The following FBXO40 variants were observed in gnomAD, a reference collection of about 807,000 sequenced individuals.
The protein encoded by FBXO40 is F-box protein 40.
In FBXO40, 50 loss-of-function variants were observed where a neutral mutation model predicts 49.9. That is an observed-to-expected ratio of 1.00 (90% CI 0.80 to 1.27). FBXO40 has a LOEUF of 1.27. FBXO40 is among the 50% of genes most tolerant of loss of function. The pLI, the probability that FBXO40 is intolerant of heterozygous loss-of-function variation, is 0.00. For missense variants in FBXO40, 895 were observed against 870.1 expected (o/e 1.03, Z -0.36); for synonymous variants, 340 against 320.2 (o/e 1.06, Z -0.66).
intron 1 of FBXO40, among the ~76,000 whole-genome samples, chr3:121,601,992 G>A (rs772978714): frequency 1.2e-4 from 19 of 152,296 alleles, no homozygotes; most frequent in South Asian, 2.1e-4. Context: ...GTCCCACTGC[G>A]CAGCTAAAAT....
In FBXO40 at chr3:121,617,269, C is replaced by A. The variant is rs1186844585; in HGVS notation, c.-30-3277C>A. On this transcript the variant is annotated intron_variant, in intron 1 of 3. Coordinates refer to ENST00000338040, the MANE Select transcript of FBXO40 (RefSeq NM_016298.4). The stretch of plus-strand genomic sequence containing the variant: ...TGCATATAAGAAAATATCACATGCA[C>A]ACCATAAATATGCACAAATACTATG... 2.6e-5 allele frequency among the ~76,000 whole-genome samples: 4 copies of A among 152,240 alleles called. No individual in the cohort carries two copies. The East Asian group carries it at 5.8e-4, about 22-fold the overall frequency.
rs138789299 is a variant in FBXO40, at chr3:121,621,100, T to C, written c.4-333T>C. On this transcript the variant is annotated intron_variant, in intron 2 of 3. Coordinates refer to ENST00000338040, the MANE Select transcript of FBXO40 (RefSeq NM_016298.4). The stretch of plus-strand genomic sequence containing the variant: ...CAAGATAAAAAGCAGGATGAAAAGT[T>C]GTATTCATAGTATTATCCGTATGAT... 1.1e-4 allele frequency among the ~76,000 whole-genome samples: 17 copies of C among 152,364 alleles called. No homozygotes were observed. In the East Asian group the frequency reaches 2.3e-3, roughly 21 times the overall value.
intron 1 of FBXO40, among the ~76,000 whole-genome samples, chr3:121,617,762 G>A (rs764467632): frequency 6.6e-6 from 1 of 152,162 alleles, no homozygotes; most frequent in Admixed American, 6.6e-5. Context: ...CACTTTTGGA[G>A]GCCGAGGCAG....
At chr3:121,607,584 C>G (rs938858171) in intron 1 of FBXO40, among the ~76,000 whole-genome samples, 4 of 152,124 alleles carry the variant, frequency 2.6e-5, no homozygotes, top group Admixed American at 6.5e-5. Context: ...GCTGGGATTA[C>G]AGGCGTGAGC....
At chr3:121,620,222 A>G (rs912422620) in intron 1 of FBXO40, among the ~76,000 whole-genome samples, 9 of 152,232 alleles carry the variant, frequency 5.9e-5, no homozygotes, top group African/African-American at 2.2e-4. Flanking sequence ...TCAGCAGACA[A>G]TGGAGAAAGT....
chr3:121,621,716 C>G lies in FBXO40; in HGVS notation c.287C>G (p.Ser96Cys), dbSNP rs894284209. 6.2e-7 allele frequency: 1 copy of G among 1,614,104 alleles called. No homozygotes were observed. Among genetic ancestry groups the G allele is most frequent in the African/African-American group, 1.3e-5 (1 of 74,926 alleles). ...TGCCCCGCCAGCGTGGTCTGCTGCT[C>G]CATGGAGTGGAACCGCTGGCCAAAT... is the stretch of plus-strand genomic sequence containing the variant. ...QVCPASVVCCSMEWNRWPNVD... is the reference protein window; with the variant it reads ...QVCPASVVCCCMEWNRWPNVD... Residue 96 changes from serine (S) to cysteine (C), a missense_variant, in exon 3 of 4, where the codon TCC becomes TGC. Ser to Cys is a moderately radical substitution (Grantham distance 112). Coordinates refer to ENST00000338040, the MANE Select transcript of FBXO40 (RefSeq NM_016298.4).
At chr3:121,611,872 T>C (rs2048967806) in intron 1 of FBXO40, among the ~76,000 whole-genome samples, 1 of 152,222 alleles carries the variant, frequency 6.6e-6, no homozygotes, top group African/African-American at 2.4e-5. Flanking sequence ...AAACATTTTG[T>C]TAACAAGGCA....
At chr3:121,596,645 A>G (rs967284881) in intron 1 of FBXO40, among the ~76,000 whole-genome samples, 1 of 152,220 alleles carries the variant, frequency 6.6e-6, no homozygotes, top group Non-Finnish European at 1.5e-5. Flanking sequence ...TGTTTAAAAG[A>G]ACAAGTACTT....
rs373853348 is a variant in FBXO40, at chr3:121,626,953, C to A, written c.*43C>A. On this transcript the variant is annotated 3_prime_UTR_variant, in exon 4 of 4. Transcript: ENST00000338040. ...GATGCACCCTTCTTGGATTTCTTCT[C>A]GGAGTTCCTGAAGTAGGACAGAGTG... 23 of 1,586,676 alleles carry A rather than the reference C, an allele frequency of 1.4e-5. No homozygotes were observed. The highest frequency in any genetic ancestry group is 1.8e-5 in the Non-Finnish European group (21 of 1,156,678).
rs781583571 is a variant in FBXO40 at position 121,622,801 on chromosome 3, G to C, written c.1372G>C (p.Glu458Gln). 32 of 1,614,076 alleles carry C rather than the reference G, an allele frequency of 2.0e-5. No homozygotes were observed. The highest frequency in any genetic ancestry group is 6.7e-5 in the Admixed American group (4 of 60,010). Residue 458 changes from glutamate to glutamine, a missense_variant, in exon 3 of 4, where the codon GAG becomes CAG. By Grantham distance (29) the Glu-to-Gln change is conservative. Coordinates refer to ENST00000338040, the MANE Select transcript of FBXO40 (RefSeq NM_016298.4). ...TAATPGGLHV[E>Q]LHSECVTRRH... ...TGCCACCCCAGGGGGACTCCACGTG[G>C]AGCTCCACAGCGAGTGTGTGACCAG...
intron 1 of FBXO40, among the ~76,000 whole-genome samples, chr3:121,608,688 A>G (rs1227827255): frequency 2.0e-5 from 3 of 152,210 alleles, no homozygotes; most frequent in Non-Finnish European, 4.4e-5. Context: ...CAAAACCTCC[A>G]GGTGCTGTCC....
chr3:121,602,401 A>G (rs994258224), intron 1 of FBXO40, among the ~76,000 whole-genome samples: 18 of 152,080 alleles, frequency 1.2e-4, no homozygotes, highest in African/African-American at 3.9e-4. Flanking sequence ...CTCCTCCCCA[A>G]ATTGTTCCCT....
chr3:121,615,472 T>C (rs2048992273), intron 1 of FBXO40, among the ~76,000 whole-genome samples: 1 of 150,130 alleles, frequency 6.7e-6, no homozygotes. Context: ...GGAGAATCAT[T>C]TGAACCCGGG....
rs762148803 is a variant in FBXO40 at position 121,622,500 on chromosome 3, T to G, written c.1071T>G (p.Cys357Trp). The G allele has an allele frequency of 6.2e-7, 1 of 1,614,040 alleles. No homozygotes were observed. Among genetic ancestry groups the G allele is most frequent in the East Asian group, 2.2e-5 (1 of 44,890 alleles). The change falls in exon 3 of 4, where the codon TGT becomes TGG. Residue 357 changes from cysteine (C) to tryptophan (W), a missense_variant. Cys to Trp is a radical substitution (Grantham distance 215). Transcript: ENST00000338040. ...VYTFKVPVSYCGKRARLGDAM... is the reference protein window; with the variant it reads ...VYTFKVPVSYWGKRARLGDAM... ...CCTTCAAAGTTCCTGTGAGCTACTGTGGAAAGCGAGCTCGACTTGGAGATG... is the reference window on the plus strand; with the variant it reads ...CCTTCAAAGTTCCTGTGAGCTACTGGGGAAAGCGAGCTCGACTTGGAGATG...
At chr3:121,624,649 C>G (rs904275899) in intron 3 of FBXO40, among the ~76,000 whole-genome samples, 1 of 152,142 alleles carries the variant, frequency 6.6e-6, no homozygotes, top group East Asian at 1.9e-4. Flanking sequence ...TGGCTTCCCC[C>G]CTGCATGGTT....
intron 1 of FBXO40, among the ~76,000 whole-genome samples, chr3:121,604,946 AT>A (rs1395685097): frequency 6.9e-6 from 1 of 144,692 alleles, no homozygotes; most frequent in African/African-American, 2.7e-5. Context: ...TTATTTATTT[AT>A]TTATTTATTT....
Position 121,627,389 on chromosome 3 carries a change from GA to G in FBXO40, c.*480del. On this transcript the variant is annotated 3_prime_UTR_variant, in exon 4 of 4. Transcript: ENST00000338040. ...GAAGGGAACAAAGCTGGAGGCTCTG[GA>G]GCTGGGTCTGTTTTGACGGTCAAGT... The G allele has an allele frequency of 5.8e-6, 1 of 172,308 alleles. No individual in the cohort carries two copies. Among genetic ancestry groups the G allele is most frequent in the South Asian group, 1.5e-4 (1 of 6,656 alleles). The allele number at this position is 172,308 out of a possible 1,614,324, so 10.7% of individuals were successfully genotyped here. A position where few individuals can be genotyped will look rare whatever the true frequency, so the allele number is the denominator to read the frequency against.
intron 1 of FBXO40, among the ~76,000 whole-genome samples, chr3:121,619,733 G>A (rs2049018974): frequency 6.6e-6 from 1 of 152,166 alleles, no homozygotes; most frequent in Middle Eastern, 3.2e-3. Context: ...GGAAACTGAT[G>A]AGCGAAGAAG....
chr3:121,608,668 G>C (rs1202225946), intron 1 of FBXO40, among the ~76,000 whole-genome samples: 2 of 152,158 alleles, frequency 1.3e-5, no homozygotes, highest in Non-Finnish European at 2.9e-5. Context: ...CCCTGGACTT[G>C]GTGTGTGGTC....
Sources: gnomAD v4.1 joint callset for allele counts (sites outside exome capture counted in the v4.1 genomes callset) on GRCh38, gnomAD v4.1.1 for gene constraint, MANE v1.5 for transcripts, NCBI Gene and HGNC (gene_info 2026-07-23, HGNC 2026-07-21) for gene names.